Variants in CIT observed in about 807,000 individuals in gnomAD.
CIT encodes the protein citron Rho-interacting kinase.
Under a neutral mutation model 272.7 loss-of-function variants are expected in CIT, and 79 were observed. The observed-to-expected ratio is 0.29, with a 90% confidence interval of 0.24 to 0.35. The LOEUF is 0.35. Among genes scored for constraint, CIT ranks in the 10% least tolerant of loss-of-function variants. The pLI is 1.00. For synonymous variants in CIT, 948 were observed against 995.6 expected, an observed-to-expected ratio of 0.95 and a Z score of 0.90; for missense variants, 1,909 against 2,618.3, an observed-to-expected ratio of 0.73 and a Z score of 5.91.
chr12:119,828,967 G>A (rs1487030864), intron 7 of CIT, among the ~76,000 whole-genome samples: 1 of 140,978 alleles, frequency 7.1e-6, no homozygotes, highest in African/African-American at 2.5e-5. Context: ...CCATATTTTG[G>A]GAGAAAGGGG....
Position 119,714,286 on chromosome 12 carries a change from C to T in CIT, c.4217G>A (p.Arg1406Gln), listed in dbSNP as rs565512445. 9.3e-6 allele frequency: 15 copies of T among 1,614,042 alleles called. No homozygotes were observed. The highest frequency in any genetic ancestry group is 8.8e-5 in the South Asian group (8 of 91,072). The change falls in exon 33 of 48, where the codon CGA becomes CAA. Residue 1406 changes from arginine to glutamine, a missense_variant. This residue lies in a region of CIT where 780 missense variants were observed against 1,067.2 expected (regional missense o/e 0.73). Coordinates refer to ENST00000392521, the MANE Select transcript of CIT (RefSeq NM_001206999.2). ...KERMHHNIPH[R>Q]FNVGLNMRAT... ...TCGCATGTTCAGTCCTACGTTGAATCGGTGAGGAATATTGTGGTGCATGCG... is the reference window on the plus strand; with the variant it reads ...TCGCATGTTCAGTCCTACGTTGAATTGGTGAGGAATATTGTGGTGCATGCG...
chr12:119,820,462 A>G (rs1593861746), intron 9 of CIT, among the ~76,000 whole-genome samples: 2 of 152,222 alleles, frequency 1.3e-5, no homozygotes, highest in Middle Eastern at 3.4e-3. Flanking sequence ...AGGCAGAAGA[A>G]TCACTTGAAC....
In CIT at chr12:119,690,368, C is replaced by T. The variant is rs1285429909; in HGVS notation, c.5969G>A (p.Ser1990Asn). ...GGGTGTGCTTGGCTCTCGCGGGTGG[C>T]TGGGGCCTTCGGGCGGCGCTGGGCT... ...ASSPAPPEGP[S>N]HPREPSTPHR... Residue 1990 changes from serine to asparagine, a missense_variant, in exon 47 of 48, where the codon AGC (serine) becomes AAC (asparagine). Transcript: ENST00000392521. This position sits in a 1 kb window ranked among gnomAD's most constrained non-coding sequence, Gnocchi z 6.0. 1.2e-5 allele frequency: 19 copies of T among 1,597,880 alleles called. No homozygotes were observed. Among genetic ancestry groups the T allele is most frequent in the Middle Eastern group, 3.3e-4 (2 of 6,078 alleles).
intron 4 of CIT, among the ~76,000 whole-genome samples, chr12:119,855,499 C>T (rs756382802): frequency 1.3e-5 from 2 of 152,106 alleles, no homozygotes; most frequent in African/African-American, 2.4e-5. Flanking sequence ...CCTGGGTGGG[C>T]GTGCGGGCCT....
intron 23 of CIT, among the ~76,000 whole-genome samples, chr12:119,744,078 C>T (rs889143605): frequency 6.6e-6 from 1 of 152,102 alleles, no homozygotes; most frequent in Non-Finnish European, 1.5e-5. Flanking sequence ...AAAGGTAGAA[C>T]GTAGCAGGGA....
At chr12:119,727,270 C>G (rs1160818527) in intron 28 of CIT, among the ~76,000 whole-genome samples, 1 of 152,072 alleles carries the variant, frequency 6.6e-6, no homozygotes, top group Admixed American at 6.5e-5. Flanking sequence ...ATTACATGAC[C>G]CCCATACTCT....
intron 2 of CIT, 124 bp downstream of exon 2, chr12:119,875,949 C>G: frequency 1.6e-6 from 1 of 626,300 alleles, no homozygotes. Flanking sequence ...GATTGCACCA[C>G]TGTACTCCAG....
At position 119,694,321 on chromosome 12, in the gene CIT, T is replaced by C. The variant is rs1376163042; in HGVS notation, c.5882+3338A>G. Among the ~76,000 whole-genome samples the C allele has an allele frequency of 6.6e-6, 1 of 152,164 alleles. No homozygotes were observed. The highest frequency in any genetic ancestry group is 1.9e-4 in the East Asian group (1 of 5,198). On this transcript the variant is annotated intron_variant, in intron 46 of 47. Coordinates refer to ENST00000392521, the MANE Select transcript of CIT (RefSeq NM_001206999.2). This position sits in a 1 kb window ranked among gnomAD's most constrained non-coding sequence, Gnocchi z 4.5. ...GAAAGTCATTTATTGCAGCAACAGATTGGAGACAACTCGAACAGCCATTAA... is the reference window on the plus strand; with the variant it reads ...GAAAGTCATTTATTGCAGCAACAGACTGGAGACAACTCGAACAGCCATTAA...
In CIT at chr12:119,734,124, G is replaced by A. The variant is rs112783625; in HGVS notation, c.3350+40C>T. On this transcript the variant is annotated intron_variant, in intron 26 of 47. Transcript: ENST00000392521. ...ACAACTCTCAGGCCGATCCTCCTGC[G>A]GTCACCTGTCATGAGCTTTCCACAA... The A allele has an allele frequency of 0.035, 56,282 of 1,598,682 alleles. 1,262 individuals are homozygous for A. The highest frequency in any genetic ancestry group is 0.11 in the African/African-American group (7,902 of 74,280).
chr12:119,863,255 G>A (rs1290138809), intron 3 of CIT, among the ~76,000 whole-genome samples: 1 of 145,388 alleles, frequency 6.9e-6, no homozygotes, highest in African/African-American at 2.6e-5. Context: ...GCAAACTAAT[G>A]CAGGAACAGA....
At chr12:119,860,327 C>T (rs1029929112) in intron 3 of CIT, among the ~76,000 whole-genome samples, 1 of 152,044 alleles carries the variant, frequency 6.6e-6, no homozygotes, top group Non-Finnish European at 1.5e-5. Context: ...CACATGAAGT[C>T]GTGACCACTG....
chr12:119,798,697 G>A (rs2137836587), intron 10 of CIT, among the ~76,000 whole-genome samples: 1 of 152,302 alleles, frequency 6.6e-6, no homozygotes, highest in South Asian at 2.1e-4. Flanking sequence ...AGTATTTACT[G>A]CTCCAGGAAA....
chr12:119,757,227 C>G, intron 22 of CIT, 144 bp downstream of exon 22: 1 of 1,048,760 alleles, frequency 9.5e-7, no homozygotes, highest in Non-Finnish European at 1.4e-6. Flanking sequence ...TGCCTCCAGA[C>G]CCTTTTCTCC....
intron 5 of CIT, among the ~76,000 whole-genome samples, chr12:119,835,935 G>C (rs1279425847): frequency 1.3e-5 from 2 of 152,088 alleles, no homozygotes; most frequent in East Asian, 3.9e-4. Context: ...CATTAAGCCA[G>C]ACACTGGACA....
At chr12:119,720,113 T>C (rs1957749581) in intron 30 of CIT, among the ~76,000 whole-genome samples, 2 of 152,220 alleles carry the variant, frequency 1.3e-5, no homozygotes, top group South Asian at 4.1e-4. Flanking sequence ...GCCCCATACT[T>C]GTGACTTGCT....
intron 37 of CIT, chr12:119,711,197 G>A: frequency 2.2e-6 from 2 of 906,536 alleles, no homozygotes; most frequent in Non-Finnish European, 1.6e-6. Context: ...CTTTTCAGGA[G>A]GCTTGTGGTT....
intron 25 of CIT, among the ~76,000 whole-genome samples, chr12:119,734,907 T>C (rs567839532): frequency 1.3e-5 from 2 of 152,238 alleles, no homozygotes; most frequent in East Asian, 3.9e-4. Flanking sequence ...TGCCTCGGCC[T>C]CCCAAAGTAC....
At chr12:119,860,017 T>A (rs529754909) in intron 3 of CIT, among the ~76,000 whole-genome samples, 3 of 152,156 alleles carry the variant, frequency 2.0e-5, no homozygotes, top group Non-Finnish European at 2.9e-5. Flanking sequence ...AGGGTCTCAT[T>A]ATGTCACCCA....
At chr12:119,853,622 G>C (rs1022180929) in intron 4 of CIT, among the ~76,000 whole-genome samples, 1 of 152,010 alleles carries the variant, frequency 6.6e-6, no homozygotes, top group Non-Finnish European at 1.5e-5. Context: ...TTTTACATAG[G>C]TTGTCCATAT....
Sources: allele counts gnomAD v4.1 joint callset (sites outside exome capture counted in the v4.1 genomes callset), GRCh38; gene constraint gnomAD v4.1.1; regional missense constraint gnomAD v4.1.1; non-coding constraint Gnocchi (gnomAD v3.1); transcripts MANE v1.5; gene names NCBI Gene and HGNC (gene_info 2026-07-23, HGNC 2026-07-21).